Variants in DOCK2 observed in about 807,000 individuals in gnomAD.
DOCK2 encodes dedicator of cytokinesis protein 2.
DOCK2 carries 87 observed loss-of-function variants against 248.9 expected under a neutral mutation model. That is an observed-to-expected ratio of 0.35 (90% CI 0.29 to 0.42). The LOEUF (loss-of-function observed/expected upper bound fraction) is 0.42. Among genes scored for constraint, DOCK2 ranks in the 10% least tolerant of loss-of-function variants. DOCK2 has a pLI of 1.00. For synonymous variants in DOCK2, 805 were observed against 821.6 expected (o/e 0.98, Z 0.35); for missense variants, 1,747 against 2,300.2 (o/e 0.76, Z 4.92).
At chr5:169,911,577 G>C (rs564625858) in intron 27 of DOCK2, among the ~76,000 whole-genome samples, 8 of 152,276 alleles carry the variant, frequency 5.3e-5, no homozygotes, top group African/African-American at 1.9e-4. Context: ...TACTTTATGA[G>C]GACATAATAC....
In DOCK2 at chr5:169,655,736, A is replaced by G. The variant is rs569742631; in HGVS notation, c.127+1250A>G. Among the ~76,000 whole-genome samples the G allele has an allele frequency of 1.9e-3, 284 of 152,334 alleles. 2 individuals carry two copies. Among genetic ancestry groups the G allele is most frequent in the African/African-American group, 6.7e-3 (277 of 41,566 alleles). On this transcript the variant is annotated intron_variant, in intron 2 of 51. Transcript: ENST00000520908. ...CACACAAACATACATATGTACATAT[A>G]TACACATATGCATACCTGTGCATGT...
Position 169,721,885 on chromosome 5 carries a change from G to A in DOCK2, c.2267+3094G>A, listed in dbSNP as rs913281044. On this transcript the variant is annotated intron_variant, in intron 22 of 51. Transcript: ENST00000520908. ...GAAGAGAGTGAGTTCCTTGTCCCTC[G>A]CTTCTTGTGTCACTAGCTCCTGAGT... 8.5e-5 allele frequency among the ~76,000 whole-genome samples: 13 copies of A among 152,178 alleles called. No homozygotes were observed. In the East Asian group the frequency reaches 1.7e-3, roughly 20 times the overall value.
At chr5:169,836,285 A>G (rs932618483) in intron 26 of DOCK2, among the ~76,000 whole-genome samples, 102 of 152,354 alleles carry the variant, frequency 6.7e-4, no homozygotes, top group African/African-American at 2.4e-3. Context: ...GTTCAAAAGT[A>G]TTCAGGCTTC....
intron 22 of DOCK2, among the ~76,000 whole-genome samples, chr5:169,735,109 A>G (rs191174114): frequency 4.3e-4 from 66 of 152,204 alleles, no homozygotes; most frequent in Non-Finnish European, 7.5e-4. Flanking sequence ...ACTTCACCCT[A>G]CAGTCAGAGT....
chr5:169,992,953 A>G (rs562375642), intron 29 of DOCK2, among the ~76,000 whole-genome samples: 6 of 152,318 alleles, frequency 3.9e-5, no homozygotes, highest in African/African-American at 1.4e-4. Context: ...GGGCAAATCA[A>G]TTCGCGGTCA....
chr5:169,663,259 C>T (rs1402567659), intron 2 of DOCK2, among the ~76,000 whole-genome samples: 3 of 152,212 alleles, frequency 2.0e-5, no homozygotes, highest in Non-Finnish European at 2.9e-5. Flanking sequence ...GGGCAGCTCT[C>T]CCTCTGTGGC....
chr5:169,785,033 C>T (rs1765911228), intron 25 of DOCK2, among the ~76,000 whole-genome samples: 1 of 152,146 alleles, frequency 6.6e-6, no homozygotes, highest in African/African-American at 2.4e-5. Context: ...TTATTCATGT[C>T]ATGTCCTTTT....
At chr5:169,949,891 T>G (rs985253846) in intron 27 of DOCK2, among the ~76,000 whole-genome samples, 2 of 152,042 alleles carry the variant, frequency 1.3e-5, no homozygotes, top group Non-Finnish European at 2.9e-5. Context: ...ACATACGTGC[T>G]CATATCAGTT....
At chr5:169,638,698 G>A (rs1286326523) in intron 1 of DOCK2, among the ~76,000 whole-genome samples, 3 of 152,204 alleles carry the variant, frequency 2.0e-5, no homozygotes, top group African/African-American at 4.8e-5. Context: ...GCCAGATTCA[G>A]GACAGTCATG....
intron 36 of DOCK2, among the ~76,000 whole-genome samples, chr5:170,038,601 G>A (rs1352636088): frequency 1.3e-5 from 2 of 152,296 alleles, no homozygotes; most frequent in East Asian, 3.9e-4. Flanking sequence ...ATTCTGGACA[G>A]GCCTGGAGCA....
chr5:169,981,172 T>A lies in DOCK2; in HGVS notation c.2800-1896T>A, dbSNP rs1777925101. 2.0e-5 allele frequency among the ~76,000 whole-genome samples: 3 copies of A among 152,224 alleles called. No individual in the cohort carries two copies. In the South Asian group the frequency reaches 6.2e-4, roughly 31 times the overall value. On this transcript the variant is annotated intron_variant, in intron 27 of 51. Transcript: ENST00000520908. The stretch of plus-strand genomic sequence containing the variant: ...TCCTGCTGACAAGGAAAGCATGCTA[T>A]CCCTAACTTCCCAATTGAAAAGAAC...
At chr5:169,794,877 C>T (rs567709503) in intron 25 of DOCK2, among the ~76,000 whole-genome samples, 8 of 152,306 alleles carry the variant, frequency 5.3e-5, no homozygotes, top group South Asian at 2.1e-4. Flanking sequence ...GAGCAGAGAT[C>T]GCGCCACTGC....
At chr5:170,060,978 C>T (rs950195018) in intron 44 of DOCK2, among the ~76,000 whole-genome samples, 2 of 151,810 alleles carry the variant, frequency 1.3e-5, no homozygotes, top group African/African-American at 2.4e-5. Context: ...TGCAGTGAGC[C>T]GATATCATGC....
intron 34 of DOCK2, among the ~76,000 whole-genome samples, chr5:170,034,186 G>C (rs1377856280): frequency 6.6e-6 from 1 of 151,504 alleles, no homozygotes; most frequent in East Asian, 1.9e-4. Flanking sequence ...ATCTATATTG[G>C]AAACTATTTT....
chr5:169,950,197 A>T (rs1776602040), intron 27 of DOCK2, among the ~76,000 whole-genome samples: 1 of 152,180 alleles, frequency 6.6e-6, no homozygotes, highest in Non-Finnish European at 1.5e-5. Context: ...TGGTCACTGG[A>T]GCCAGCCTGT....
chr5:169,682,809 C>T (rs547589212), intron 7 of DOCK2, among the ~76,000 whole-genome samples: 1 of 152,172 alleles, frequency 6.6e-6, no homozygotes, highest in African/African-American at 2.4e-5. Context: ...TGCTCCTTCT[C>T]CAGCCCCAAG....
intron 44 of DOCK2, among the ~76,000 whole-genome samples, chr5:170,060,875 C>T (rs1458335878): frequency 1.3e-5 from 2 of 151,966 alleles, no homozygotes; most frequent in Admixed American, 1.3e-4. Context: ...ACTAAAAATA[C>T]AAAAATTAGC....
chr5:169,915,053 T>C (rs1774801620), intron 27 of DOCK2, among the ~76,000 whole-genome samples: 2 of 152,216 alleles, frequency 1.3e-5, no homozygotes, highest in South Asian at 4.1e-4. Context: ...CGACCAGCTG[T>C]CTTCACCCCA....
chr5:169,847,688 A>C (rs1581278561), intron 27 of DOCK2, among the ~76,000 whole-genome samples: 1 of 152,166 alleles, frequency 6.6e-6, no homozygotes, highest in African/African-American at 2.4e-5. Flanking sequence ...TCAGAGACCT[A>C]AAATAGATTT....
Sources: gnomAD v4.1 joint callset for allele counts (sites outside exome capture counted in the v4.1 genomes callset) on GRCh38, gnomAD v4.1.1 for gene constraint, MANE v1.5 for transcripts, NCBI Gene and HGNC (gene_info 2026-07-23, HGNC 2026-07-21) for gene names.